Variants in NCAPD3 observed in about 807,000 individuals in gnomAD.
NCAPD3 encodes non-SMC condensin II complex subunit D3.
Under a neutral mutation model 182.9 loss-of-function variants are expected in NCAPD3, and 105 were observed. That is an observed-to-expected ratio of 0.57 (90% CI 0.49 to 0.68). The LOEUF is 0.68. NCAPD3 is among the 30% of genes least tolerant of loss of function. The pLI, the probability that NCAPD3 is intolerant of heterozygous loss-of-function variation, is 0.00. For synonymous variants in NCAPD3, 815 were observed against 679.9 expected, an observed-to-expected ratio of 1.20 and a Z score of -3.09; for missense variants, 1,944 against 1,837.0, an observed-to-expected ratio of 1.06 and a Z score of -1.07.
chr11:134,191,334 C>T (rs1156417802), intron 16 of NCAPD3, among the ~76,000 whole-genome samples: 3 of 151,806 alleles, frequency 2.0e-5, no homozygotes, highest in Non-Finnish European at 4.4e-5. Flanking sequence ...ATGTGCAGCA[C>T]GTGAGTTCTG....
At chr11:134,223,376 T>A in intron 1 of NCAPD3, 1 of 699,226 alleles carries the variant, frequency 1.4e-6, no homozygotes, top group Admixed American at 2.0e-5. Context: ...AGAAATGCCA[T>A]GACTCCTGGG....
chr11:134,164,389 G>C (rs1943694586), intron 27 of NCAPD3, among the ~76,000 whole-genome samples: 1 of 152,388 alleles, frequency 6.6e-6, no homozygotes, highest in South Asian at 2.1e-4. Context: ...CCTGAGCTCA[G>C]GCTCATGAGA....
Position 134,160,141 on chromosome 11 carries a change from C to G in NCAPD3, c.3685-67G>C. 11 of 1,528,290 alleles carry G rather than the reference C, an allele frequency of 7.2e-6. No homozygotes were observed. The South Asian group carries it at 1.3e-4, about 18-fold the overall frequency. The allele number at this position is 1,528,290 out of a possible 1,614,324, so 94.7% of individuals were successfully genotyped here. A position where few individuals can be genotyped will look rare whatever the true frequency, so the allele number is the denominator to read the frequency against. ...AAAAACGTAAAGCCCTAAACCCCCA[C>G]GACACACCTTCGCCTGTGTAACAAA... On this transcript the variant is annotated intron_variant, in intron 28 of 34. Transcript: ENST00000534548.
At chr11:134,165,786 G>A (rs1307927046) in intron 27 of NCAPD3, among the ~76,000 whole-genome samples, 1 of 135,970 alleles carries the variant, frequency 7.4e-6, no homozygotes, top group East Asian at 2.4e-4. Flanking sequence ...CTCGTGAGAG[G>A]AGCTTAGGGG....
chr11:134,174,844 C>T (rs1284094307), intron 24 of NCAPD3, among the ~76,000 whole-genome samples: 1 of 152,116 alleles, frequency 6.6e-6, no homozygotes, highest in Non-Finnish European at 1.5e-5. Flanking sequence ...CTCTCTGTCC[C>T]ATAAATATGT....
chr11:134,175,945 C>CT (rs1026247581), intron 24 of NCAPD3, among the ~76,000 whole-genome samples: 1,608 of 142,838 alleles, frequency 0.011, 11 homozygotes, highest in African/African-American at 0.025. Flanking sequence ...TCAAAATTAA[C>CT]TTTTTTTTTT....
In NCAPD3 at chr11:134,220,629, G is replaced by A. The variant is rs1591869152; in HGVS notation, c.162C>T (p.Phe54=). The A allele has an allele frequency of 1.9e-6, 3 of 1,613,988 alleles. No individual in the cohort carries two copies. Among genetic ancestry groups the A allele is most frequent in the Non-Finnish European group, 2.5e-6 (3 of 1,179,896 alleles). Residue 54 remains phenylalanine, a synonymous_variant, in exon 2 of 35, where the codon TTC becomes TTT. Coordinates refer to ENST00000534548, the MANE Select transcript of NCAPD3 (RefSeq NM_015261.3). The part of the protein sequence containing the change: ...AEIIETGLAA[F]TKLYESLLPF... ...GTAAAAGGCTTTCATAGAGTTTTGT[G>A]AATGCAGCCAATCCAGTCTCTATGA...
At chr11:134,172,976 C>CAAAAAA (rs55712707) in intron 24 of NCAPD3, 1 of 72,646 alleles carries the variant, frequency 1.4e-5, no homozygotes. Context: ...GACCCTGTCT[C>CAAAAAA]AAAAAAAAAA....
rs1943628613 is a variant in NCAPD3, at chr11:134,162,910, G to A, written c.3574-1019C>T. 2.0e-5 allele frequency among the ~76,000 whole-genome samples: 3 copies of A among 152,178 alleles called. No individual in the cohort carries two copies. The South Asian group carries it at 6.2e-4, about 32-fold the overall frequency. ...GTTAGGGAATTTAGGTATGGAGATG[G>A]GATGCCTAAGGAGTGCATGGCCATC... On this transcript the variant is annotated intron_variant, in intron 27 of 34. Transcript: ENST00000534548.
At chr11:134,161,938 A>G in intron 27 of NCAPD3, 47 bp from the exon 28 acceptor site, 1 of 994,450 alleles carries the variant, frequency 1.0e-6, no homozygotes, top group Non-Finnish European at 1.5e-6. Context: ...AACTTCTGAA[A>G]GACAGGCCTC....
At chr11:134,165,397 C>T (rs911007985) in intron 27 of NCAPD3, among the ~76,000 whole-genome samples, 2 of 146,876 alleles carry the variant, frequency 1.4e-5, no homozygotes, top group African/African-American at 2.6e-5. Flanking sequence ...GGAAGGGGCA[C>T]ACTTCTGAGA....
Position 134,191,019 on chromosome 11 carries a change from T to C in NCAPD3, c.2045+1670A>G, listed in dbSNP as rs148228449. Among the ~76,000 whole-genome samples the C allele has an allele frequency of 4.2e-3, 636 of 152,354 alleles. 4 individuals are homozygous for C. Among genetic ancestry groups the C allele is most frequent in the African/African-American group, 0.015 (609 of 41,582 alleles). On this transcript the variant is annotated intron_variant, in intron 16 of 34. Transcript: ENST00000534548. Reference sequence around the variant, plus strand: ...AATTTTCTCCTAGTTATTCCTCTACTTCTCCATACTTCTGAATTCTTTTGA... The same window carrying C: ...AATTTTCTCCTAGTTATTCCTCTACCTCTCCATACTTCTGAATTCTTTTGA...
chr11:134,196,922 G>A (rs1384818164), intron 13 of NCAPD3, among the ~76,000 whole-genome samples: 1 of 152,116 alleles, frequency 6.6e-6, no homozygotes, highest in African/African-American at 2.4e-5. Flanking sequence ...TTGAGTATTT[G>A]TCCCCACCCA....
rs1278279470 is a variant in NCAPD3 at position 134,178,647 on chromosome 11, G to A, written c.2769C>T (p.Ala923=). 2 of 1,554,940 alleles carry A rather than the reference G, an allele frequency of 1.3e-6. No individual in the cohort carries two copies. Among genetic ancestry groups the A allele is most frequent in the South Asian group, 1.2e-5 (1 of 81,852 alleles). ...SVMPSVIRAH[A]IITLGKLCLQ... The stretch of plus-strand genomic sequence containing the variant: ...TGTTTTTCTTACCTAAGGTAATGAT[G>A]GCATGTGCTCTAATCACAGAGGGCA... Residue 923 remains alanine (A), a synonymous_variant, in exon 22 of 35, where the codon GCC becomes GCT. Transcript: ENST00000534548.
In NCAPD3 at chr11:134,167,828, CACTT is replaced by C. The variant is rs748133983; in HGVS notation, c.3573+164_3573+167del. Reference sequence around the variant, plus strand: ...GATGAGCTTAGGGGAGCAGCACACTCACTTGTGAGATGAGCTTGGGGGAGCAGCA... The same window carrying C: ...GATGAGCTTAGGGGAGCAGCACACTCGTGAGATGAGCTTGGGGGAGCAGCA... On this transcript the variant is annotated intron_variant, in intron 27 of 34. Coordinates refer to ENST00000534548, the MANE Select transcript of NCAPD3 (RefSeq NM_015261.3). Among the ~76,000 whole-genome samples the C allele has an allele frequency of 4.6e-3, 613 of 134,028 alleles. 4 individuals carry two copies. The highest frequency in any genetic ancestry group is 5.9e-3 in the Non-Finnish European group (380 of 64,668). The allele number at this position is 134,028 out of a possible 152,430, so 87.9% of individuals were successfully genotyped here.
chr11:134,177,590 A>C (rs976051659), intron 22 of NCAPD3, 133 bp from the exon 23 acceptor site: 3 of 746,530 alleles, frequency 4.0e-6, no homozygotes, highest in Non-Finnish European at 6.4e-6. Context: ...AATCACAAAC[A>C]ACAAAAAACT....
intron 16 of NCAPD3, among the ~76,000 whole-genome samples, chr11:134,187,623 T>C (rs558065475): frequency 6.6e-6 from 1 of 152,184 alleles, no homozygotes; most frequent in South Asian, 2.1e-4. Context: ...TTCCCAAATA[T>C]TCTACCCACG....
chr11:134,184,806 T>TACACAC (rs1466832733), intron 18 of NCAPD3, 54 bp from the exon 19 acceptor site: 77 of 1,068,108 alleles, frequency 7.2e-5, no homozygotes, highest in Non-Finnish European at 8.9e-5. Flanking sequence ...TATTCAGGTA[T>TACACAC]ATATACACAC....
intron 2 of NCAPD3, among the ~76,000 whole-genome samples, chr11:134,219,446 T>C (rs904077017): frequency 1.3e-5 from 2 of 152,124 alleles, no homozygotes; most frequent in Non-Finnish European, 2.9e-5. Flanking sequence ...CTCCCTGAGG[T>C]CCCTGGGGAG....
Sources: allele counts gnomAD v4.1 joint callset (sites outside exome capture counted in the v4.1 genomes callset), GRCh38; gene constraint gnomAD v4.1.1; transcripts MANE v1.5; gene names NCBI Gene and HGNC (gene_info 2026-07-23, HGNC 2026-07-21).